RAB35: variants seen among roughly 807,000 people sequenced by gnomAD.
The protein encoded by RAB35 is RAB35, member RAS oncogene family.
A neutral mutation model predicts 28.9 loss-of-function variants in RAB35; 4 were observed. That is an observed-to-expected ratio of 0.14 (90% CI 0.07 to 0.32). RAB35 has a LOEUF of 0.32. Ranked by LOEUF, RAB35 falls within the 10% of genes least tolerant of loss-of-function variation. The pLI is 1.00. For synonymous variants in RAB35, 99 were observed against 105.1 expected, an observed-to-expected ratio of 0.94 and a Z score of 0.35; for missense variants, 128 against 274.0, an observed-to-expected ratio of 0.47 and a Z score of 3.76.
intron 3 of RAB35, among the ~76,000 whole-genome samples, chr12:120,101,743 C>A (rs934340227): frequency 8.0e-6 from 1 of 124,608 alleles, no homozygotes. Context: ...ACACGTGGGA[C>A]GGCAGCAGGG....
At chr12:120,105,769 A>G (rs2139055052) in intron 2 of RAB35, among the ~76,000 whole-genome samples, 1 of 152,156 alleles carries the variant, frequency 6.6e-6, no homozygotes. Flanking sequence ...TAAAAATACA[A>G]AAAATTAGCC....
At position 120,096,213 on chromosome 12, in the gene RAB35, G is replaced by A; in HGVS notation, c.*1032C>T. 2 of 368,862 alleles carry A rather than the reference G, an allele frequency of 5.4e-6. No homozygotes were observed. Among genetic ancestry groups the A allele is most frequent in the Non-Finnish European group, 1.0e-5 (2 of 194,962 alleles). The allele number at this position is 368,862 out of a possible 1,614,324, so 22.8% of individuals were successfully genotyped here. On this transcript the variant is annotated 3_prime_UTR_variant, in exon 6 of 6. Transcript: ENST00000229340. ...CCAGTGGGAGGCAACTCGGACAAGG[G>A]TGGGAGGCCCCTTCTCCGCTCCCAC...
intron 2 of RAB35, among the ~76,000 whole-genome samples, chr12:120,107,753 A>C (rs1316003616): frequency 6.6e-6 from 1 of 151,176 alleles, no homozygotes; most frequent in Non-Finnish European, 1.5e-5. Flanking sequence ...TATAGTCCCA[A>C]CTACTTGGGA....
At chr12:120,106,612 AGACGGAGTCTCACT>A (rs1875890496) in intron 2 of RAB35, among the ~76,000 whole-genome samples, 1 of 77,522 alleles carries the variant, frequency 1.3e-5, no homozygotes, top group Non-Finnish European at 2.4e-5. Context: ...TTTTTTTTTG[AGACGGAGTCTCACT>A]CTGTCGCCAG....
At chr12:120,107,301 T>C (rs1875929280) in intron 2 of RAB35, among the ~76,000 whole-genome samples, 1 of 152,162 alleles carries the variant, frequency 6.6e-6, no homozygotes, top group Admixed American at 6.5e-5. Flanking sequence ...CTGATGTATT[T>C]AACAAACAAA....
chr12:120,110,937 G>A (rs1055270593), intron 1 of RAB35, among the ~76,000 whole-genome samples: 2 of 152,180 alleles, frequency 1.3e-5, no homozygotes, highest in Non-Finnish European at 2.9e-5. Flanking sequence ...CCTTCACGGC[G>A]CTGTGCCCAA....
chr12:120,109,997 C>G (rs1876049426), intron 1 of RAB35, among the ~76,000 whole-genome samples: 1 of 152,206 alleles, frequency 6.6e-6, no homozygotes, highest in South Asian at 2.1e-4. Context: ...GGCCACATCT[C>G]TTGAGATGAG....
chr12:120,116,195 C>T (rs1876327104), intron 1 of RAB35, among the ~76,000 whole-genome samples: 2 of 152,186 alleles, frequency 1.3e-5, no homozygotes, highest in Non-Finnish European at 2.9e-5. Flanking sequence ...CCATCGAATC[C>T]TCACACCACC....
chr12:120,098,135 C>T (rs112957706), intron 5 of RAB35, among the ~76,000 whole-genome samples: 7,238 of 152,276 alleles, frequency 0.048, 237 homozygotes, highest in Non-Finnish European at 0.072. Flanking sequence ...CCGCCCGCCT[C>T]GGCCTCCCAA....
Position 120,098,176 on chromosome 12 carries a change from G to A in RAB35, c.477+635C>T, listed in dbSNP as rs112973182. Among the ~76,000 whole-genome samples the A allele has an allele frequency of 2.7e-3, 407 of 152,312 alleles. 2 individuals carry two copies. The highest frequency in any genetic ancestry group is 9.5e-3 in the African/African-American group (396 of 41,566). ...TGAGATTACAGGCGTGAGCCGGCGC[G>A]CCCGGCCCAGCTGGAATCTTATGAC... On this transcript the variant is annotated intron_variant, in intron 5 of 5. Transcript: ENST00000229340.
chr12:120,104,008 C>T, intron 2 of RAB35, 59 bp from the exon 3 acceptor site: 2 of 1,592,908 alleles, frequency 1.3e-6, no homozygotes, highest in Non-Finnish European at 1.7e-6. Context: ...CCCTGAGCCC[C>T]ACGCTGCACA....
chr12:120,107,927 T>A (rs1185333379), intron 2 of RAB35, among the ~76,000 whole-genome samples: 2 of 134,322 alleles, frequency 1.5e-5, no homozygotes, highest in Non-Finnish European at 3.2e-5. Flanking sequence ...TAGCTAAGCA[T>A]CGCTGAAAAC....
In RAB35 at chr12:120,096,837, T is replaced by C. The variant is rs1246596202; in HGVS notation, c.*408A>G. The C allele has an allele frequency of 2.3e-6, 3 of 1,296,274 alleles. No homozygotes were observed. The allele number at this position is 1,296,274 out of a possible 1,614,324, so 80.3% of individuals were successfully genotyped here. ...ACGTGCCGCTGTCTCCTCAGGACGC[T>C]GCTTGCAGTAAGATGGGCTGGGGAG... On this transcript the variant is annotated 3_prime_UTR_variant, in exon 6 of 6. Coordinates refer to ENST00000229340, the MANE Select transcript of RAB35 (RefSeq NM_006861.7).
intron 1 of RAB35, 58 bp from the exon 2 acceptor site, chr12:120,108,525 C>A: frequency 6.6e-7 from 1 of 1,520,870 alleles, no homozygotes; most frequent in Non-Finnish European, 9.1e-7. Context: ...CCCGCAGCCC[C>A]AGCCCTTCTT....
At chr12:120,107,126 T>C (rs1875916743) in intron 2 of RAB35, among the ~76,000 whole-genome samples, 1 of 151,958 alleles carries the variant, frequency 6.6e-6, no homozygotes, top group Non-Finnish European at 1.5e-5. Context: ...GTCGCTAGGA[T>C]TATAGGTATG....
intron 1 of RAB35, among the ~76,000 whole-genome samples, chr12:120,113,015 C>T (rs547306498): frequency 5.3e-5 from 8 of 151,706 alleles, no homozygotes; most frequent in East Asian, 3.9e-4. Context: ...CTCAGCCTCC[C>T]GAGTAGCTGG....
At chr12:120,097,838 CCTT>C (rs1268050164) in intron 5 of RAB35, among the ~76,000 whole-genome samples, 6 of 151,816 alleles carry the variant, frequency 4.0e-5, no homozygotes, top group South Asian at 2.1e-4. Flanking sequence ...GTTTTCCAGT[CCTT>C]CTTTTAGAGA....
At chr12:120,108,770 G>A in intron 1 of RAB35, 1 of 549,346 alleles carries the variant, frequency 1.8e-6, no homozygotes, top group Non-Finnish European at 3.4e-6. Flanking sequence ...AAAGGGAGAT[G>A]CCAGACGACA....
At position 120,109,453 on chromosome 12, in the gene RAB35, C is replaced by CAA. The variant is rs527343607; in HGVS notation, c.53-988_53-987dup. On this transcript the variant is annotated intron_variant, in intron 1 of 5. Coordinates refer to ENST00000229340, the MANE Select transcript of RAB35 (RefSeq NM_006861.7). Reference sequence around the variant, plus strand: ...GGGCAACAAGAGCGAAACTCTGTCTCAAAAAAAAAAAAATGGGGTTTCATT... The same window carrying CAA: ...GGGCAACAAGAGCGAAACTCTGTCTCAAAAAAAAAAAAAAATGGGGTTTCATT... Among the ~76,000 whole-genome samples, 42 of 136,164 alleles carry CAA rather than the reference C, an allele frequency of 3.1e-4. No homozygotes were observed. In the East Asian group the frequency reaches 7.3e-3, roughly 24 times the overall value. 89.3% of individuals were successfully genotyped at this position (136,164 alleles called of 152,430 possible).
Sources: gnomAD v4.1 joint callset for allele counts (sites outside exome capture counted in the v4.1 genomes callset) on GRCh38, gnomAD v4.1.1 for gene constraint, MANE v1.5 for transcripts, NCBI Gene and HGNC (gene_info 2026-07-23, HGNC 2026-07-21) for gene names.